NLRC5: variants seen among roughly 807,000 people sequenced by gnomAD.
NLRC5 encodes protein NLRC5.
A neutral mutation model predicts 206.9 loss-of-function variants in NLRC5; 114 were observed. The ratio of observed to expected loss-of-function variants is 0.55; its 90% CI spans 0.47 to 0.64. The LOEUF (loss-of-function observed/expected upper bound fraction) is 0.64, where lower values mean the gene tolerates loss of function less well. NLRC5 is among the 30% of genes least tolerant of loss of function. NLRC5 has a pLI of 0.00. For missense variants in NLRC5, 2,008 were observed against 2,305.5 expected (o/e 0.87, Z 2.64); for synonymous variants, 952 against 962.8 (o/e 0.99, Z 0.21).
Position 57,082,769 on chromosome 16 carries a change from C to T in NLRC5, c.*241C>T. 1 of 414,302 alleles carries T rather than the reference C, an allele frequency of 2.4e-6. No homozygotes were observed. The highest frequency in any genetic ancestry group is 4.3e-6 in the Non-Finnish European group (1 of 231,524). The allele number at this position is 414,302 out of a possible 1,614,324, so 25.7% of individuals were successfully genotyped here. On this transcript the variant is annotated 3_prime_UTR_variant, in exon 49 of 49. Transcript: ENST00000688547. ...TGGGATATGTGTGATCAATTGGGGA[C>T]ATGCGACACACAATGAGGGTGTCAT...
intron 25 of NLRC5, 72 bp from the exon 26 acceptor site, chr16:57,054,960 G>A: frequency 6.3e-7 from 1 of 1,598,998 alleles, no homozygotes; most frequent in Non-Finnish European, 8.6e-7. Flanking sequence ...TTCCGGAGGA[G>A]GGGTGCTGGC....
At chr16:57,027,990 C>T (rs898109817) in intron 6 of NLRC5, 82 bp from the exon 7 acceptor site, 22 of 859,320 alleles carry the variant, frequency 2.6e-5, no homozygotes, top group Non-Finnish European at 3.7e-5. Context: ...TGTATTAAGC[C>T]CCATCTCTCT....
rs1259676746 is a variant in NLRC5, at chr16:57,059,059, G to A, written c.3918G>A (p.Val1306=). The stretch of plus-strand genomic sequence containing the variant: ...GCCCACGTGTCCGGGAGGCCTCAGT[G>A]AAGTAAGGGGATGTTGGTCCCCGAA... ...PSCPRVREAS[V]NLGSEQSFRI... The change falls in exon 29 of 49, where the codon GTG becomes GTA. Residue 1306 remains valine (V), a splice_region_variant and synonymous_variant. Transcript: ENST00000688547. 6.2e-7 allele frequency: 1 copy of A among 1,613,976 alleles called. No individual in the cohort carries two copies. The highest frequency in any genetic ancestry group is 1.3e-5 in the African/African-American group (1 of 75,038).
rs372278419 is a variant in NLRC5, at chr16:57,065,224, G to A, written c.4167G>A (p.Pro1389=). 3.7e-5 allele frequency: 57 copies of A among 1,560,366 alleles called. No individual in the cohort carries two copies. In the Middle Eastern group the frequency reaches 5.1e-4, roughly 14 times the overall value. The change falls in exon 33 of 49, where the codon CCG becomes CCA. Residue 1389 remains proline, a synonymous_variant. Coordinates refer to ENST00000688547, the MANE Select transcript of NLRC5 (RefSeq NM_001384950.1). The stretch of plus-strand genomic sequence containing the variant: ...CCTTCTGTGACAGGGTGCAGGAGCC[G>A]TGGGCGGACAGAGCCAGGGTTCTCT... ...AGLFSLRVQE[P]WADRARVLSL... is the part of the protein sequence containing the mutation.
At chr16:57,059,086 A>G in intron 29 of NLRC5, 25 bp downstream of exon 29, 1 of 1,613,502 alleles carries the variant, frequency 6.2e-7, no homozygotes, top group Non-Finnish European at 8.5e-7. Context: ...GTCCCCGAAA[A>G]GCCCCTTTCT....
At chr16:57,034,507 T>C in intron 13 of NLRC5, 1 of 442,000 alleles carries the variant, frequency 2.3e-6, no homozygotes, top group South Asian at 3.4e-5. Context: ...GTCCTCATTT[T>C]ATAGAGGAGG....
intron 23 of NLRC5, among the ~76,000 whole-genome samples, chr16:57,049,293 A>G (rs2064485350): frequency 1.3e-5 from 2 of 152,210 alleles, no homozygotes; most frequent in Admixed American, 1.3e-4. Context: ...GTAGCACTGC[A>G]GTCAGTGCTA....
intron 34 of NLRC5, among the ~76,000 whole-genome samples, chr16:57,066,906 C>T (rs1162885950): frequency 1.3e-5 from 2 of 152,200 alleles, no homozygotes; most frequent in Non-Finnish European, 2.9e-5. Flanking sequence ...TTCACGCCTA[C>T]CTGCTTCACC....
intron 32 of NLRC5, chr16:57,062,612 T>G (rs961405104): frequency 5.8e-5 from 9 of 155,620 alleles, no homozygotes; most frequent in African/African-American, 2.2e-4. Context: ...AACTGGACGT[T>G]AGATCAAAAG....
chr16:57,059,918 C>T (rs566508216), intron 30 of NLRC5, among the ~76,000 whole-genome samples: 6 of 152,094 alleles, frequency 3.9e-5, no homozygotes, highest in African/African-American at 7.2e-5. Flanking sequence ...GGGATAATAA[C>T]ACAACCTACC....
At chr16:57,058,033 T>C in intron 27 of NLRC5, 32 bp from the exon 28 acceptor site, 2 of 1,576,826 alleles carry the variant, frequency 1.3e-6, no homozygotes, top group Non-Finnish European at 8.7e-7. Flanking sequence ...GAGGCACCTC[T>C]GATCCCCGCC....
At chr16:57,070,356 G>A (rs2067499031) in intron 37 of NLRC5, among the ~76,000 whole-genome samples, 179 bp from the exon 38 acceptor site, 1 of 152,140 alleles carries the variant, frequency 6.6e-6, no homozygotes, top group African/African-American at 2.4e-5. Flanking sequence ...CCTACCCAGA[G>A]CCTGAGCCCT....
intron 1 of NLRC5, among the ~76,000 whole-genome samples, chr16:57,014,934 T>C (rs1242242007): frequency 1.3e-5 from 2 of 150,990 alleles, no homozygotes; most frequent in Non-Finnish European, 3.0e-5. Flanking sequence ...TTCCTTTTTT[T>C]TTTTGTTTGT....
In NLRC5 at chr16:57,059,488, C is replaced by T. The variant is rs1171264472; in HGVS notation, c.3942C>T (p.Phe1314=). 1 of 1,611,436 alleles carries T rather than the reference C, an allele frequency of 6.2e-7. No homozygotes were observed. The highest frequency in any genetic ancestry group is 8.5e-7 in the Non-Finnish European group (1 of 1,178,856). The change falls in exon 30 of 49, where the codon TTC becomes TTT. Residue 1314 remains phenylalanine (F), a synonymous_variant. Transcript: ENST00000688547. Reference sequence around the variant, plus strand: ...GCAGCCTGGGCTCTGAGCAGAGCTTCCGGATTCACTTCTCCAGAGAGGACC... The same window carrying T: ...GCAGCCTGGGCTCTGAGCAGAGCTTTCGGATTCACTTCTCCAGAGAGGACC... The part of the protein sequence containing the change: ...ASVNLGSEQS[F]RIHFSREDQA...
In NLRC5 at chr16:57,037,225, G is replaced by C; in HGVS notation, c.2742G>C (p.Gly914=). ...GTAACAACGGGCTTTCTGTGGCCGG[G>C]GTGCATTGTGTGCTGAGGGCCGTGA... ...DLSNNGLSVA[G]VHCVLRAVSA... is the part of the protein sequence containing the mutation. The change falls in exon 15 of 49, where the codon GGG becomes GGC. Residue 914 remains glycine (G), a synonymous_variant. Transcript: ENST00000688547. 4 of 1,613,828 alleles carry C rather than the reference G, an allele frequency of 2.5e-6. No homozygotes were observed. The highest frequency in any genetic ancestry group is 2.5e-6 in the Non-Finnish European group (3 of 1,179,966).
chr16:57,025,990 G>T lies in NLRC5; in HGVS notation c.1047G>T (p.Gly349=). 1 of 1,614,050 alleles carries T rather than the reference G, an allele frequency of 6.2e-7. No individual in the cohort carries two copies. Among genetic ancestry groups the T allele is most frequent in the Non-Finnish European group, 8.5e-7 (1 of 1,180,034 alleles). ...GGGTGATGGCTACCTCCCGTCCAGG[G>T]AAGCTGCCTGCCTGCCTGCCTGCAG... ...GCRVMATSRP[G]KLPACLPAEA... The change falls in exon 6 of 49, where the codon GGG becomes GGT. Residue 349 remains glycine (G), a synonymous_variant. Coordinates refer to ENST00000688547, the MANE Select transcript of NLRC5 (RefSeq NM_001384950.1).
At chr16:57,063,699 A>G (rs1419115813) in intron 32 of NLRC5, among the ~76,000 whole-genome samples, 3 of 150,644 alleles carry the variant, frequency 2.0e-5, no homozygotes, top group African/African-American at 7.3e-5. Flanking sequence ...CCCAGCTTTC[A>G]ATTATTTTGG....
At chr16:57,021,177 C>T in intron 3 of NLRC5, 170 bp downstream of exon 3, 1 of 616,062 alleles carries the variant, frequency 1.6e-6, no homozygotes, top group East Asian at 2.8e-5. Flanking sequence ...GCGCCCAAAT[C>T]TGCTGGGGCC....
At chr16:57,077,662 C>T in intron 41 of NLRC5, 57 bp from the exon 42 acceptor site, 1 of 1,501,122 alleles carries the variant, frequency 6.7e-7, no homozygotes, top group Non-Finnish European at 9.0e-7. Context: ...AGCAGATGTG[C>T]TGGGGTGTCG....
Sources: allele counts gnomAD v4.1 joint callset (sites outside exome capture counted in the v4.1 genomes callset), GRCh38; gene constraint gnomAD v4.1.1; transcripts MANE v1.5; gene names NCBI Gene and HGNC (gene_info 2026-07-23, HGNC 2026-07-21).